Variants in CDH13 observed in about 807,000 individuals in gnomAD.
CDH13 encodes the protein cadherin 13, also known as cadherin-13.
CDH13 carries 24 observed loss-of-function variants against 63.8 expected under a neutral mutation model. The ratio of observed to expected loss-of-function variants is 0.38; its 90% CI spans 0.27 to 0.53. CDH13 has a LOEUF of 0.53. CDH13 is among the 20% of genes least tolerant of loss of function. The probability of loss-of-function intolerance (pLI) is 0.85; values close to 1 mark genes in which losing one functional copy is unlikely to be tolerated. For missense variants in CDH13, 1,049 were observed against 903.1 expected (o/e 1.16, Z -2.07); for synonymous variants, 503 against 355.3 (o/e 1.42, Z -4.67).
intron 3 of CDH13, among the ~76,000 whole-genome samples, chr16:83,041,344 A>T (rs571105690): frequency 6.6e-6 from 1 of 152,296 alleles, no homozygotes; most frequent in Non-Finnish European, 1.5e-5. Context: ...GCAATTTAAA[A>T]GACGTAATTT....
chr16:83,619,386 G>C (rs956393265), intron 8 of CDH13, among the ~76,000 whole-genome samples: 7 of 152,340 alleles, frequency 4.6e-5, no homozygotes, highest in African/African-American at 1.7e-4. Context: ...AGCTCAGGGA[G>C]GGCTTCTCAG....
intron 1 of CDH13, among the ~76,000 whole-genome samples, chr16:82,668,867 C>A (rs559770736): frequency 1.3e-4 from 20 of 152,300 alleles, no homozygotes; most frequent in African/African-American, 4.8e-4. Context: ...CAGACCTGTA[C>A]CTTCCTGGAC....
rs189820421 is a variant in CDH13, at chr16:83,467,480, C to A, written c.782-18997C>A. Among the ~76,000 whole-genome samples the A allele has an allele frequency of 8.7e-3, 1,327 of 152,150 alleles. 15 individuals carry two copies. Among genetic ancestry groups the A allele is most frequent in the African/African-American group, 0.03 (1,260 of 41,490 alleles). ...AGACATCTTGAGATTTAGGAGCTGG[C>A]GCCTTACAGCTCTTTGTGAATTGAG... On this transcript the variant is annotated intron_variant, in intron 6 of 13. Transcript: ENST00000567109.
intron 6 of CDH13, among the ~76,000 whole-genome samples, chr16:83,406,427 C>T (rs563552216): frequency 0.054 from 8,205 of 151,056 alleles, 213 homozygotes; most frequent in Non-Finnish European, 0.062. Context: ...TCCCCCCCCG[C>T]CTCTCTCTCT....
chr16:82,751,319 T>G (rs553496133), intron 1 of CDH13, among the ~76,000 whole-genome samples: 9 of 152,282 alleles, frequency 5.9e-5, no homozygotes, highest in South Asian at 4.2e-4. Context: ...AGATTTTTTT[T>G]TGTGTTTTGT....
At chr16:82,873,046 G>A (rs1009163746) in intron 2 of CDH13, among the ~76,000 whole-genome samples, 1 of 152,188 alleles carries the variant, frequency 6.6e-6, no homozygotes, top group Non-Finnish European at 1.5e-5. Flanking sequence ...AAGGTCATAT[G>A]ATAGAGATTT....
At chr16:82,919,497 G>T (rs1345646252) in intron 2 of CDH13, among the ~76,000 whole-genome samples, 1 of 152,172 alleles carries the variant, frequency 6.6e-6, no homozygotes, top group Non-Finnish European at 1.5e-5. Flanking sequence ...TGCTAAGGAT[G>T]ATGGCCTCCA....
chr16:83,737,840 T>A (rs1043403836), intron 10 of CDH13, among the ~76,000 whole-genome samples: 1 of 152,168 alleles, frequency 6.6e-6, no homozygotes, highest in African/African-American at 2.4e-5. Flanking sequence ...GAGGCAGAGA[T>A]CCACATTGGA....
chr16:83,482,881 C>A (rs7203798), intron 6 of CDH13, among the ~76,000 whole-genome samples: 12 of 152,046 alleles, frequency 7.9e-5, no homozygotes, highest in African/African-American at 2.9e-4. Context: ...GTCCCACATT[C>A]TTTGGACAAC....
chr16:83,261,505 G>A (rs1192673342), intron 5 of CDH13, among the ~76,000 whole-genome samples: 2 of 152,010 alleles, frequency 1.3e-5, no homozygotes, highest in Non-Finnish European at 2.9e-5. Context: ...GGGGCTAGGT[G>A]TCCAGTGTTC....
chr16:82,866,610 G>A (rs575009556), intron 2 of CDH13, among the ~76,000 whole-genome samples: 15 of 151,754 alleles, frequency 9.9e-5, no homozygotes, highest in East Asian at 9.7e-4. Context: ...GACTGGTCTC[G>A]TATTAGTCTG....
At chr16:82,868,967 T>C (rs1443138293) in intron 2 of CDH13, among the ~76,000 whole-genome samples, 2 of 152,232 alleles carry the variant, frequency 1.3e-5, no homozygotes, top group Non-Finnish European at 2.9e-5. Flanking sequence ...GGAAAATTAA[T>C]ATTATAATGG....
rs16959994 is a variant in CDH13 at position 83,261,746 on chromosome 16, C to G, written c.636+44249C>G. Among the ~76,000 whole-genome samples the G allele has an allele frequency of 6.2e-3, 935 of 150,048 alleles. 9 individuals are homozygous for G. The highest frequency in any genetic ancestry group is 0.022 in the African/African-American group (897 of 40,740). On this transcript the variant is annotated intron_variant, in intron 5 of 13. Transcript: ENST00000567109. ...ATGACAGAAAGTTAGATAACAGTCA[C>G]AAGATCAGAAAGCGAATAAGTGGCA...
chr16:82,809,343 T>A (rs932197034), intron 1 of CDH13, among the ~76,000 whole-genome samples: 1 of 149,798 alleles, frequency 6.7e-6, no homozygotes, highest in Non-Finnish European at 1.5e-5. Flanking sequence ...AAATGAAAAA[T>A]GAGTAGTTTA....
At chr16:83,196,838 G>A (rs1308836350) in intron 4 of CDH13, among the ~76,000 whole-genome samples, 1 of 152,174 alleles carries the variant, frequency 6.6e-6, no homozygotes, top group Non-Finnish European at 1.5e-5. Flanking sequence ...GACATTGCTG[G>A]TAGAAATGTA....
intron 4 of CDH13, among the ~76,000 whole-genome samples, chr16:83,182,156 A>C (rs1272489770): frequency 4.6e-5 from 7 of 152,206 alleles, no homozygotes; most frequent in Admixed American, 3.9e-4. Context: ...ATTTTACCTG[A>C]TGCATTTTGA....
chr16:83,140,566 G>A (rs2036486906), intron 4 of CDH13, among the ~76,000 whole-genome samples: 1 of 152,138 alleles, frequency 6.6e-6, no homozygotes, highest in Non-Finnish European at 1.5e-5. Flanking sequence ...TGATTTTCCT[G>A]CCTCAGCCCC....
chr16:83,426,519 AC>A, intron 6 of CDH13, among the ~76,000 whole-genome samples: 1 of 151,352 alleles, frequency 6.6e-6, no homozygotes, highest in Non-Finnish European at 1.5e-5. Context: ...TCACACACAC[AC>A]ACACACACAC....
At chr16:82,814,276 A>AG (rs1403637440) in intron 1 of CDH13, among the ~76,000 whole-genome samples, 1 of 152,102 alleles carries the variant, frequency 6.6e-6, no homozygotes, top group African/African-American at 2.4e-5. Context: ...CCTGGCTGAT[A>AG]GGAGCATCTT....
Sources: allele counts gnomAD v4.1 joint callset (sites outside exome capture counted in the v4.1 genomes callset), GRCh38; gene constraint gnomAD v4.1.1; transcripts MANE v1.5; gene names NCBI Gene and HGNC (gene_info 2026-07-23, HGNC 2026-07-21).